CUEDC2: variants seen among roughly 807,000 people sequenced by gnomAD.
CUEDC2 encodes CUE domain containing 2, also known as CUE domain-containing protein 2.
CUEDC2 carries 10 observed loss-of-function variants against 36.0 expected under a neutral mutation model. The ratio of observed to expected loss-of-function variants is 0.28; its 90% CI spans 0.17 to 0.47. CUEDC2 has a LOEUF of 0.47. CUEDC2 is among the 20% of genes least tolerant of loss of function. CUEDC2 has a pLI of 0.99. For synonymous variants in CUEDC2, 133 were observed against 141.8 expected, an observed-to-expected ratio of 0.94 and a Z score of 0.44; for missense variants, 269 against 368.1, an observed-to-expected ratio of 0.73 and a Z score of 2.20.
chr10:102,426,881 C>T (rs539108818), intron 1 of CUEDC2, among the ~76,000 whole-genome samples: 5 of 151,970 alleles, frequency 3.3e-5, no homozygotes, highest in Admixed American at 6.5e-5. Flanking sequence ...AGGCTGGTCT[C>T]GAACTCCTGG....
rs1388690887 is a variant in CUEDC2, at chr10:102,424,494, C to T, written c.280+5G>A. 1 of 1,614,126 alleles carries T rather than the reference C, an allele frequency of 6.2e-7. No individual in the cohort carries two copies. Among genetic ancestry groups the T allele is most frequent in the South Asian group, 1.1e-5 (1 of 91,082 alleles). ...TCACTCAGGTGCCCAGAGCCCCAGA[C>T]TCACCTTTGTTCCTGGCATCGCTCA... On this transcript the variant is annotated splice_donor_5th_base_variant and intron_variant, in intron 4 of 8. Coordinates refer to ENST00000369937, the MANE Select transcript of CUEDC2 (RefSeq NM_024040.3). This position sits in a 1 kb window ranked among gnomAD's most constrained non-coding sequence, Gnocchi z 4.2.
chr10:102,432,142 C>A (rs1000056704), intron 1 of CUEDC2, among the ~76,000 whole-genome samples: 1 of 152,136 alleles, frequency 6.6e-6, no homozygotes, highest in Non-Finnish European at 1.5e-5. Flanking sequence ...CTTAGAGGCA[C>A]CAAGGGCATT....
chr10:102,431,529 G>T (rs557074049), intron 1 of CUEDC2, among the ~76,000 whole-genome samples: 13 of 152,304 alleles, frequency 8.5e-5, no homozygotes, highest in Admixed American at 7.8e-4. Context: ...GTTAATGGCA[G>T]ATTTACACCC....
chr10:102,430,920 C>A (rs1041201034), intron 1 of CUEDC2, among the ~76,000 whole-genome samples: 4 of 152,058 alleles, frequency 2.6e-5, no homozygotes, highest in Admixed American at 2.6e-4. Context: ...TCTTGGGGGC[C>A]GCAAATTAGA....
intron 1 of CUEDC2, among the ~76,000 whole-genome samples, chr10:102,425,672 G>T (rs2061593704): frequency 6.6e-6 from 1 of 151,698 alleles, no homozygotes; most frequent in Admixed American, 6.6e-5. Flanking sequence ...TCTGCACAAA[G>T]GGGCTTTTCT....
chr10:102,423,871 G>A lies in CUEDC2; in HGVS notation c.595-12C>T. On this transcript the variant is annotated splice_polypyrimidine_tract_variant and intron_variant, in intron 6 of 8. Transcript: ENST00000369937. The surrounding 1 kb of genome is among the most constrained non-coding windows in gnomAD (Gnocchi z 5.6). The stretch of plus-strand genomic sequence containing the variant: ...CGTCTGGGCAGGTCCTGCAGAGAGG[G>A]GAGGCCTGGTCTAGGCCCAAGGGCA... The A allele has an allele frequency of 1.2e-6, 2 of 1,611,258 alleles. No individual in the cohort carries two copies. Among genetic ancestry groups the A allele is most frequent in the African/African-American group, 1.3e-5 (1 of 74,974 alleles).
At chr10:102,430,891 C>T (rs1372033393) in intron 1 of CUEDC2, among the ~76,000 whole-genome samples, 2 of 152,140 alleles carry the variant, frequency 1.3e-5, no homozygotes, top group Non-Finnish European at 2.9e-5. Flanking sequence ...CCAGATGTAG[C>T]CCACAGAACC....
chr10:102,431,222 C>T (rs750989200), intron 1 of CUEDC2, among the ~76,000 whole-genome samples: 21 of 152,214 alleles, frequency 1.4e-4, no homozygotes, highest in Non-Finnish European at 2.6e-4. Flanking sequence ...TCACTGCAAC[C>T]TCCACCTCCC....
At position 102,423,722 on chromosome 10, in the gene CUEDC2, C is replaced by A; in HGVS notation, c.657-5G>T. The stretch of plus-strand genomic sequence containing the variant: ...GCGCTATCCACCATCATGTACCTGT[C>A]AAAAACTGGCTGGGTGAAGCTCCTG... On this transcript the variant is annotated splice_region_variant and splice_polypyrimidine_tract_variant and intron_variant, in intron 7 of 8. Coordinates refer to ENST00000369937, the MANE Select transcript of CUEDC2 (RefSeq NM_024040.3). The surrounding 1 kb of genome is among the most constrained non-coding windows in gnomAD (Gnocchi z 5.6). The A allele has an allele frequency of 6.2e-7, 1 of 1,614,196 alleles. No homozygotes were observed. The highest frequency in any genetic ancestry group is 1.1e-5 in the South Asian group (1 of 91,088).
intron 1 of CUEDC2, among the ~76,000 whole-genome samples, chr10:102,431,286 C>T (rs2061615953): frequency 6.6e-6 from 1 of 152,204 alleles, no homozygotes; most frequent in African/African-American, 2.4e-5. Flanking sequence ...ATTACAGTCG[C>T]ATGCCACCAT....
chr10:102,431,442 C>T (rs965214513), intron 1 of CUEDC2, among the ~76,000 whole-genome samples: 3 of 152,178 alleles, frequency 2.0e-5, no homozygotes, highest in African/African-American at 7.2e-5. Flanking sequence ...CCGCGCCCGG[C>T]CGTATTATCC....
Position 102,424,012 on chromosome 10 carries a change from C to A in CUEDC2, c.578G>T (p.Trp193Leu). Residue 193 changes from tryptophan (W) to leucine (L), a missense_variant, in exon 6 of 9, where the codon TGG (tryptophan) becomes TTG (leucine). Transcript: ENST00000369937. This position sits in a 1 kb window ranked among gnomAD's most constrained non-coding sequence, Gnocchi z 4.2. ...VEGKEEGPAA[W>L]EGPNQDLPRR... ...AAAAGATACCTGGTTGGGGCCCTCC[C>A]AGGCTGCAGGCCCCTCTTCCTTTCC... 6.2e-7 allele frequency: 1 copy of A among 1,613,926 alleles called. No individual in the cohort carries two copies. The highest frequency in any genetic ancestry group is 8.5e-7 in the Non-Finnish European group (1 of 1,179,924).
chr10:102,424,662 C>T lies in CUEDC2; in HGVS notation c.205G>A (p.Ala69Thr), dbSNP rs978998158. ...GCCAGAACCTACCTGGGGATGTGGG[C>T]GAAGCCAGGCACATAGGCCTCCATC... ...EMMEAYVPGF[A>T]HIPRGTIGDM... The change falls in exon 3 of 9, where the codon GCC becomes ACC. Residue 69 changes from alanine (A) to threonine (T), a missense_variant. Coordinates refer to ENST00000369937, the MANE Select transcript of CUEDC2 (RefSeq NM_024040.3). This position sits in a 1 kb window ranked among gnomAD's most constrained non-coding sequence, Gnocchi z 4.2. 9 of 1,614,066 alleles carry T rather than the reference C, an allele frequency of 5.6e-6. No homozygotes were observed. In the East Asian group the frequency reaches 6.7e-5, roughly 12 times the overall value.
At chr10:102,432,122 CAA>C (rs2135474506) in intron 1 of CUEDC2, among the ~76,000 whole-genome samples, 1 of 152,320 alleles carries the variant, frequency 6.6e-6, no homozygotes, top group East Asian at 1.9e-4. Flanking sequence ...CTCTGATACC[CAA>C]GTCAGACCTT....
intron 1 of CUEDC2, among the ~76,000 whole-genome samples, chr10:102,427,338 T>C (rs1245788833): frequency 6.6e-6 from 1 of 152,144 alleles, no homozygotes; most frequent in Admixed American, 6.5e-5. Context: ...ATGTCATCAA[T>C]TCCCAAATGT....
intron 2 of CUEDC2, 100 bp downstream of exon 2, chr10:102,425,015 T>C: frequency 1.8e-6 from 2 of 1,089,864 alleles, no homozygotes. Context: ...CAAATCCTAG[T>C]CAGCCCTCCT....
chr10:102,426,557 T>A (rs1565237287), intron 1 of CUEDC2, among the ~76,000 whole-genome samples: 1 of 152,176 alleles, frequency 6.6e-6, no homozygotes, highest in Non-Finnish European at 1.5e-5. Context: ...ATTTCCTTCT[T>A]TCCTTCTTAT....
intron 1 of CUEDC2, among the ~76,000 whole-genome samples, chr10:102,427,276 T>G (rs2061600605): frequency 6.6e-6 from 1 of 152,144 alleles, no homozygotes; most frequent in Non-Finnish European, 1.5e-5. Flanking sequence ...TGCAGCGCTC[T>G]CTCTCTCTCT....
At chr10:102,426,144 G>A (rs751445853) in intron 1 of CUEDC2, among the ~76,000 whole-genome samples, 1 of 152,188 alleles carries the variant, frequency 6.6e-6, no homozygotes, top group Non-Finnish European at 1.5e-5. Flanking sequence ...GGATGAGGGG[G>A]ACACTCTGTC....
Sources: gnomAD v4.1 joint callset for allele counts (sites outside exome capture counted in the v4.1 genomes callset) on GRCh38, gnomAD v4.1.1 for gene constraint, Gnocchi (gnomAD v3.1) non-coding constraint, MANE v1.5 for transcripts, NCBI Gene and HGNC (gene_info 2026-07-23, HGNC 2026-07-21) for gene names.